CYB5R3: variants seen among roughly 807,000 people sequenced by gnomAD.
CYB5R3 encodes NADH-cytochrome b5 reductase 3.
In CYB5R3, 28 loss-of-function variants were observed where a neutral mutation model predicts 36.5. That is an observed-to-expected ratio of 0.77 (90% CI 0.57 to 1.05). The LOEUF (loss-of-function observed/expected upper bound fraction) is 1.05. CYB5R3 is among the 50% of genes least tolerant of loss of function. The pLI, the probability that CYB5R3 is intolerant of heterozygous loss-of-function variation, is 0.00. For synonymous variants in CYB5R3, 181 were observed against 159.8 expected, an observed-to-expected ratio of 1.13 and a Z score of -1.00; for missense variants, 474 against 408.9, an observed-to-expected ratio of 1.16 and a Z score of -1.37.
At chr22:42,640,457 TG>T (rs1461772067) in intron 1 of CYB5R3, 1 of 355,574 alleles carries the variant, frequency 2.8e-6, no homozygotes, top group Non-Finnish European at 4.5e-6. Context: ...TGGCTAACTG[TG>T]ACCTCCGCCT....
At chr22:42,639,911 CCAA>C in intron 1 of CYB5R3, 1 of 1,525,094 alleles carries the variant, frequency 6.6e-7, no homozygotes. Context: ...CACACCTGGT[CCAA>C]CAACACTCAA....
intron 1 of CYB5R3, among the ~76,000 whole-genome samples, chr22:42,648,550 G>A (rs939372140): frequency 2.0e-5 from 3 of 152,076 alleles, no homozygotes; most frequent in African/African-American, 4.8e-5. Context: ...GGCTCCTTCC[G>A]GCGGCAGCGT....
intron 8 of CYB5R3, among the ~76,000 whole-genome samples, chr22:42,620,481 A>G (rs953309355): frequency 2.6e-5 from 4 of 152,032 alleles, no homozygotes; most frequent in Non-Finnish European, 5.9e-5. Context: ...TGAGGAACTG[A>G]GTCTCATCCA....
intron 1 of CYB5R3, chr22:42,639,053 G>GGC (rs1929079869): frequency 2.4e-6 from 1 of 424,914 alleles, no homozygotes; most frequent in African/African-American, 2.1e-5. Flanking sequence ...AAAAAGGCCA[G>GGC]GCGCTGTAGC....
rs989987297 is a variant in CYB5R3 at position 42,619,428 on chromosome 22, G to A, written c.*345C>T. The A allele has an allele frequency of 7.0e-5, 21 of 298,476 alleles. No homozygotes were observed. Among genetic ancestry groups the A allele is most frequent in the Non-Finnish European group, 9.7e-5 (15 of 155,012 alleles). The allele number at this position is 298,476 out of a possible 1,614,324, so 18.5% of individuals were successfully genotyped here. A position where few individuals can be genotyped will look rare whatever the true frequency, so the allele number is the denominator to read the frequency against. ...TGCTGACATCCCGACTATGGTCCAC[G>A]GCCGGGAATGGTGGGCAGACGGGGC... On this transcript the variant is annotated 3_prime_UTR_variant, in exon 9 of 9. Transcript: ENST00000352397.
chr22:42,639,103 G>A, intron 1 of CYB5R3: 1 of 420,456 alleles, frequency 2.4e-6, no homozygotes, highest in South Asian at 1.7e-5. Flanking sequence ...CCCAAGGCAG[G>A]CAGATTACTT....
chr22:42,644,932 T>G lies in CYB5R3; in HGVS notation c.21+4363A>C, dbSNP rs563980958. ...TTCCTCCCCGGCCCTCCCACAGTGG[T>G]GCAAGGTGGGAACAACCAGGCTCCC... On this transcript the variant is annotated intron_variant, in intron 1 of 8. Coordinates refer to ENST00000352397, the MANE Select transcript of CYB5R3 (RefSeq NM_000398.7). Among the ~76,000 whole-genome samples the G allele has an allele frequency of 2.6e-4, 40 of 152,236 alleles. No individual in the cohort carries two copies. In the East Asian group the frequency reaches 6.9e-3, roughly 26 times the overall value.
At chr22:42,622,400 C>T (rs1260559570) in intron 8 of CYB5R3, among the ~76,000 whole-genome samples, 1 of 152,176 alleles carries the variant, frequency 6.6e-6, no homozygotes. Context: ...GCCTCCCCCA[C>T]TGGAAGGTCA....
At position 42,618,942 on chromosome 22, in the gene CYB5R3, G is replaced by C. The variant is rs1348586324; in HGVS notation, c.*831C>G. ...GGTCACTGATATGTCCCTCAGACAA[G>C]AGGCACTGCTCAGAATCCCCCTGTG... On this transcript the variant is annotated 3_prime_UTR_variant, in exon 9 of 9. Coordinates refer to ENST00000352397, the MANE Select transcript of CYB5R3 (RefSeq NM_000398.7). 6.6e-6 allele frequency: 1 copy of C among 152,254 alleles called. No individual in the cohort carries two copies. Among genetic ancestry groups the C allele is most frequent in the Non-Finnish European group, 1.5e-5 (1 of 68,106 alleles). 9.4% of individuals were successfully genotyped at this position (152,254 alleles called of 1,614,324 possible).
Position 42,631,132 on chromosome 22 carries a change from G to A in CYB5R3, c.227-144C>T, listed in dbSNP as rs8190430. 7.7e-3 allele frequency: 6,346 copies of A among 825,658 alleles called. 214 individuals carry two copies. The African/African-American group carries it at 0.079, about 10-fold the overall frequency. 51.1% of individuals were successfully genotyped at this position (825,658 alleles called of 1,614,324 possible). A position where few individuals can be genotyped will look rare whatever the true frequency, so the allele number is the denominator to read the frequency against. On this transcript the variant is annotated intron_variant, in intron 3 of 8. Coordinates refer to ENST00000352397, the MANE Select transcript of CYB5R3 (RefSeq NM_000398.7). ...CCCACGGCCCCCTCCCACCCCTCCCGGGGATTCCCCTCACGTCCCAGCTTC... is the reference window on the plus strand; with the variant it reads ...CCCACGGCCCCCTCCCACCCCTCCCAGGGATTCCCCTCACGTCCCAGCTTC...
chr22:42,636,805 A>G lies in CYB5R3; in HGVS notation c.63T>C (p.Ser21=). 1.2e-6 allele frequency: 2 copies of G among 1,613,964 alleles called. No individual in the cohort carries two copies. The change falls in exon 2 of 9, where the codon AGT becomes AGC. Residue 21 remains serine (S), a synonymous_variant. Coordinates refer to ENST00000352397, the MANE Select transcript of CYB5R3 (RefSeq NM_000398.7). ...MVLFPVWFLY[S]LLMKLFQRST... is the part of the protein sequence containing the mutation. ...AGCGCTGGAACAGCTTCATGAGCAG[A>G]CTGTACAGGAACCAGACTGGGAAGA...
At chr22:42,643,325 G>A (rs947014312) in intron 1 of CYB5R3, among the ~76,000 whole-genome samples, 10 of 152,172 alleles carry the variant, frequency 6.6e-5, no homozygotes, top group Non-Finnish European at 1.5e-5. Context: ...GGGAAGTCCC[G>A]GCTCACACAC....
intron 7 of CYB5R3, among the ~76,000 whole-genome samples, 192 bp downstream of exon 7, chr22:42,627,094 CCCCTCAGCCAGACACAGG>C (rs1268595399): frequency 1.3e-5 from 2 of 152,182 alleles, no homozygotes; most frequent in Non-Finnish European, 2.9e-5. Context: ...GCAAGGCAGC[CCCCTCAGCCAGACACAGG>C]CGCTGCACCA....
At chr22:42,645,921 C>T (rs1019627731) in intron 1 of CYB5R3, among the ~76,000 whole-genome samples, 1 of 152,156 alleles carries the variant, frequency 6.6e-6, no homozygotes, top group African/African-American at 2.4e-5. Context: ...CCAGGAGGCC[C>T]CGCCCGAGTT....
At chr22:42,648,479 G>T (rs6002856) in intron 1 of CYB5R3, among the ~76,000 whole-genome samples, 2,477 of 152,336 alleles carry the variant, frequency 0.016, 66 homozygotes, top group African/African-American at 0.057. Context: ...GGAAGGGAAG[G>T]TGGCTCTAGG....
Position 42,619,853 on chromosome 22 carries a change from G to A in CYB5R3, c.826C>T (p.Pro276Ser), listed in dbSNP as rs1055711880. Residue 276 changes from proline to serine, a missense_variant, in exon 9 of 9, where the codon CCC becomes TCC. Coordinates refer to ENST00000352397, the MANE Select transcript of CYB5R3 (RefSeq NM_000398.7). The part of the protein sequence containing the change: ...EEEPLVLMCG[P>S]PPMIQYACLP... ...CAGGCGTACTGGATCATGGGTGGGG[G>A]GCCACACATCAGCACCAGCGGCTCC... The A allele has an allele frequency of 6.2e-7, 1 of 1,605,922 alleles. No individual in the cohort carries two copies. Among genetic ancestry groups the A allele is most frequent in the Admixed American group, 1.7e-5 (1 of 58,900 alleles).
Position 42,630,278 on chromosome 22 carries a change from C to T in CYB5R3, c.333+604G>A, listed in dbSNP as rs148552063. On this transcript the variant is annotated intron_variant, in intron 4 of 8. Coordinates refer to ENST00000352397, the MANE Select transcript of CYB5R3 (RefSeq NM_000398.7). Reference sequence around the variant, plus strand: ...CCCAGAAAGCCCATCACCCCAGCTCCCAGACAACACCACACGAGCCCCTCA... The same window carrying T: ...CCCAGAAAGCCCATCACCCCAGCTCTCAGACAACACCACACGAGCCCCTCA... Among the ~76,000 whole-genome samples, 419 of 152,254 alleles carry T rather than the reference C, an allele frequency of 2.8e-3. 2 individuals carry two copies. Among genetic ancestry groups the T allele is most frequent in the African/African-American group, 9.6e-3 (398 of 41,522 alleles).
At chr22:42,641,724 G>A (rs1356597365) in intron 1 of CYB5R3, among the ~76,000 whole-genome samples, 4 of 152,166 alleles carry the variant, frequency 2.6e-5, no homozygotes, top group Non-Finnish European at 5.9e-5. Flanking sequence ...GACCTCAGGT[G>A]ATCTGCCTGC....
Position 42,631,350 on chromosome 22 carries a change from G to A in CYB5R3, c.226+28C>T, listed in dbSNP as rs743889. ...GTGCCCCAGCAGCCTGCCGGGCTCC[G>A]AATGGGCCCAGCAGGGGCGTGACTC... On this transcript the variant is annotated intron_variant, in intron 3 of 8. Coordinates refer to ENST00000352397, the MANE Select transcript of CYB5R3 (RefSeq NM_000398.7). 572,622 of 1,547,440 alleles carry A rather than the reference G, an allele frequency of 0.37. 109,085 individuals are homozygous for A. The highest frequency in any genetic ancestry group is 0.42 in the Admixed American group (21,282 of 50,924).
Sources: gnomAD v4.1 joint callset for allele counts (sites outside exome capture counted in the v4.1 genomes callset) on GRCh38, gnomAD v4.1.1 for gene constraint, MANE v1.5 for transcripts, NCBI Gene and HGNC (gene_info 2026-07-23, HGNC 2026-07-21) for gene names.